Variants in SHISA9 observed in about 807,000 individuals in gnomAD.
The protein encoded by SHISA9 is protein shisa-9.
In SHISA9, 13 loss-of-function variants were observed where a neutral mutation model predicts 38.0. The observed-to-expected ratio is 0.34, with a 90% confidence interval of 0.22 to 0.54. SHISA9 has a LOEUF of 0.54. Among genes scored for constraint, SHISA9 ranks in the 20% least tolerant of loss-of-function variants. The pLI is 0.91. For synonymous variants in SHISA9, 275 were observed against 242.0 expected (o/e 1.14, Z -1.27); for missense variants, 538 against 575.8 (o/e 0.93, Z 0.67).
intron 2 of SHISA9, among the ~76,000 whole-genome samples, chr16:12,929,821 T>A (rs1188534056): frequency 1.3e-5 from 2 of 152,074 alleles, no homozygotes; most frequent in East Asian, 3.9e-4. Context: ...AAAAAACATG[T>A]TTTAAATGTC....
chr16:13,498,559 C>G, the SHISA9 span, among the ~76,000 whole-genome samples: 2 of 152,042 alleles, frequency 1.3e-5, no homozygotes, highest in Non-Finnish European at 2.9e-5. Context: ...GAGGTTGAGA[C>G]CAACCTGACC....
intron 4 of SHISA9, among the ~76,000 whole-genome samples, chr16:13,231,827 G>C (rs1350236402): frequency 6.6e-6 from 1 of 152,182 alleles, no homozygotes; most frequent in Non-Finnish European, 1.5e-5. Flanking sequence ...CTGAAACCAA[G>C]GGTTTCCGTC....
the SHISA9 span, among the ~76,000 whole-genome samples, chr16:13,511,432 T>A: frequency 6.6e-6 from 1 of 152,170 alleles, no homozygotes; most frequent in Admixed American, 6.5e-5. Flanking sequence ...TATTTTAAAT[T>A]TAACTCTCAT....
chr16:12,937,481 C>T (rs966629460), intron 2 of SHISA9, among the ~76,000 whole-genome samples: 84 of 152,192 alleles, frequency 5.5e-4, no homozygotes, highest in African/African-American at 2.0e-3. Flanking sequence ...TATTAGTCTG[C>T]TTGGGTTGGC....
the SHISA9 span, among the ~76,000 whole-genome samples, chr16:13,415,170 A>T: frequency 6.6e-6 from 1 of 152,216 alleles, no homozygotes; most frequent in African/African-American, 2.4e-5. Context: ...GAACTTAAAT[A>T]TGTAAGGAGG....
chr16:13,038,792 C>T (rs191308475), intron 2 of SHISA9, among the ~76,000 whole-genome samples: 1 of 152,206 alleles, frequency 6.6e-6, no homozygotes, highest in African/African-American at 2.4e-5. Flanking sequence ...GACTACATAT[C>T]ATGTCAATTT....
chr16:13,138,532 A>G (rs1446459835), intron 2 of SHISA9, among the ~76,000 whole-genome samples: 1 of 152,180 alleles, frequency 6.6e-6, no homozygotes, highest in Non-Finnish European at 1.5e-5. Context: ...ATATAAATTG[A>G]ATGAACAGAT....
chr16:12,911,579 C>T lies in SHISA9; in HGVS notation c.564-5109C>T, dbSNP rs558650304. ...GATGACTTCATACTATCATTAGTTA[C>T]TATCTCAATGCATAATGTACAGTGA... On this transcript the variant is annotated intron_variant, in intron 1 of 4. Coordinates refer to ENST00000558583, the MANE Select transcript of SHISA9 (RefSeq NM_001145204.3). 6 of 166,240 alleles carry T rather than the reference C, an allele frequency of 3.6e-5. No individual in the cohort carries two copies. In the East Asian group the frequency reaches 1.1e-3, roughly 32 times the overall value. The allele number at this position is 166,240 out of a possible 1,614,324, so 10.3% of individuals were successfully genotyped here.
the SHISA9 span, among the ~76,000 whole-genome samples, chr16:13,554,609 A>G: frequency 2.0e-5 from 3 of 149,388 alleles, no homozygotes; most frequent in Non-Finnish European, 4.4e-5. Flanking sequence ...CTCCTGTCTC[A>G]GCCTCCCGAG....
the SHISA9 span, among the ~76,000 whole-genome samples, chr16:13,274,893 C>G: frequency 6.6e-6 from 1 of 152,166 alleles, no homozygotes; most frequent in African/African-American, 2.4e-5. Context: ...GTCCTTTCGT[C>G]AAGCACAAAT....
At chr16:13,198,299 T>C (rs2050969317) in intron 2 of SHISA9, among the ~76,000 whole-genome samples, 1 of 150,554 alleles carries the variant, frequency 6.6e-6, no homozygotes, top group African/African-American at 2.5e-5. Flanking sequence ...TATGCATACA[T>C]ATATACTTGT....
intron 2 of SHISA9, among the ~76,000 whole-genome samples, chr16:12,958,881 A>G (rs1361170979): frequency 2.0e-5 from 3 of 152,144 alleles, no homozygotes; most frequent in Non-Finnish European, 2.9e-5. Context: ...AGCACGTTAC[A>G]TCAACAAACA....
chr16:13,235,692 C>T lies in SHISA9; in HGVS notation c.*283C>T. The T allele has an allele frequency of 2.4e-6, 1 of 411,016 alleles. No homozygotes were observed. The highest frequency in any genetic ancestry group is 3.9e-5 in the East Asian group (1 of 25,498). The allele number at this position is 411,016 out of a possible 1,614,324, so 25.5% of individuals were successfully genotyped here. On this transcript the variant is annotated 3_prime_UTR_variant, in exon 5 of 5. Transcript: ENST00000558583. Reference sequence around the variant, plus strand: ...TCCACTTCAGGCCCAAGATGGCCAACTCACATGCCCAAACCGTGGGGCTGA... The same window carrying T: ...TCCACTTCAGGCCCAAGATGGCCAATTCACATGCCCAAACCGTGGGGCTGA...
chr16:12,948,405 C>A lies in SHISA9; in HGVS notation c.691+31590C>A, dbSNP rs1490507159. Among the ~76,000 whole-genome samples, 3 of 151,996 alleles carry A rather than the reference C, an allele frequency of 2.0e-5. No individual in the cohort carries two copies. In the East Asian group the frequency reaches 5.8e-4, roughly 29 times the overall value. On this transcript the variant is annotated intron_variant, in intron 2 of 4. Coordinates refer to ENST00000558583, the MANE Select transcript of SHISA9 (RefSeq NM_001145204.3). ...AGAAAGTAGAAGAAAAACCAACAAC[C>A]ATTAATTCTAATTGCCCCAAGTAAG...
At chr16:13,331,361 ACTC>A in the SHISA9 span, 1 of 150,946 alleles carries the variant, frequency 6.6e-6, no homozygotes, top group African/African-American at 2.4e-5. Context: ...CATTTTAAAA[ACTC>A]CTCTTTAATA....
intron 2 of SHISA9, among the ~76,000 whole-genome samples, chr16:13,006,311 C>G (rs2072597440): frequency 1.3e-5 from 2 of 151,812 alleles, no homozygotes; most frequent in African/African-American, 4.9e-5. Flanking sequence ...TGGGAGAGGT[C>G]AAATCATGAG....
chr16:13,328,008 TAAC>T, the SHISA9 span, among the ~76,000 whole-genome samples: 1 of 152,164 alleles, frequency 6.6e-6, no homozygotes, highest in Non-Finnish European at 1.5e-5. Flanking sequence ...ATCGTACTCA[TAAC>T]AACATCATGC....
At chr16:12,935,598 A>T (rs936911929) in intron 2 of SHISA9, among the ~76,000 whole-genome samples, 4 of 152,180 alleles carry the variant, frequency 2.6e-5, no homozygotes, top group African/African-American at 9.7e-5. Flanking sequence ...TGGTAATCCC[A>T]GCACTTTGGG....
chr16:13,521,551 G>C, the SHISA9 span, among the ~76,000 whole-genome samples: 10 of 152,312 alleles, frequency 6.6e-5, no homozygotes, highest in African/African-American at 2.4e-4. Flanking sequence ...ACCTGGGGAG[G>C]CTTAAGAAAT....
Sources: allele counts gnomAD v4.1 joint callset (sites outside exome capture counted in the v4.1 genomes callset), GRCh38; gene constraint gnomAD v4.1.1; transcripts MANE v1.5; gene names NCBI Gene and HGNC (gene_info 2026-07-23, HGNC 2026-07-21).